Variants in KRTAP17-1 observed in about 807,000 individuals in gnomAD.
KRTAP17-1 encodes keratin-associated protein 17-1.
A neutral mutation model predicts 10.4 loss-of-function variants in KRTAP17-1; 2 were observed. The observed-to-expected ratio is 0.19, with a 90% CI of 0.08 to 0.61. KRTAP17-1 has a LOEUF of 0.61. KRTAP17-1 is among the 20% of genes least tolerant of loss of function. The pLI, the probability that KRTAP17-1 is intolerant of heterozygous loss-of-function variation, is 0.89. For synonymous variants in KRTAP17-1, 62 were observed against 52.7 expected, an observed-to-expected ratio of 1.18 and a Z score of -0.77; for missense variants, 143 against 136.8, an observed-to-expected ratio of 1.05 and a Z score of -0.23.
In KRTAP17-1 at chr17:41,315,298, C is replaced by CA; in HGVS notation, c.*34_*35insT. The CA allele has an allele frequency of 6.4e-7, 1 of 1,565,696 alleles. No homozygotes were observed. The highest frequency in any genetic ancestry group is 8.6e-7 in the Non-Finnish European group (1 of 1,158,484). ...TCCCCCTGGAGCAGATGGAGGCTTT[C>CA]GGTGGGACTGCATCAGTGGTGGAGG... On this transcript the variant is annotated 3_prime_UTR_variant, in exon 1 of 1. Coordinates refer to ENST00000334202, the MANE Select transcript of KRTAP17-1 (RefSeq NM_031964.2).
At position 41,315,556 on chromosome 17, in the gene KRTAP17-1, C is replaced by A; in HGVS notation, c.95G>T (p.Cys32Phe). The change falls in exon 1 of 1, where the codon TGC becomes TTC. Residue 32 changes from cysteine to phenylalanine, a missense_variant. Physicochemically the swap from Cys to Phe is radical, Grantham distance 205. Coordinates refer to ENST00000334202, the MANE Select transcript of KRTAP17-1 (RefSeq NM_031964.2). ...GCCCCCACAGCCACAGCAGGAGCCG[C>A]AGCAGCCACAGCAGCCCGGCTGACA... ...CCCQPGCCGCCGSCCGCGGSG... is the reference protein window; with the variant it reads ...CCCQPGCCGCFGSCCGCGGSG... 6.2e-7 allele frequency: 1 copy of A among 1,612,314 alleles called. No homozygotes were observed. Among genetic ancestry groups the A allele is most frequent in the Non-Finnish European group, 8.5e-7 (1 of 1,179,414 alleles).
chr17:41,315,435 CCCGCAGCCT>C lies in KRTAP17-1; in HGVS notation c.207_215del (p.Cys71_Gly73del), dbSNP rs770168369. 7.5e-6 allele frequency: 12 copies of C among 1,607,688 alleles called. No homozygotes were observed. In the African/African-American group the frequency reaches 1.3e-4, roughly 18 times the overall value. The stretch of plus-strand genomic sequence containing the variant: ...AGCAACTGGATCCACAGCAGCCACC[CCCGCAGCCT>C]CCGCAGCCTCCACAGCCTCCGCAGC... On this transcript the variant is annotated inframe_deletion, in exon 1 of 1. Coordinates refer to ENST00000334202, the MANE Select transcript of KRTAP17-1 (RefSeq NM_031964.2).
chr17:41,315,274 C>G lies in KRTAP17-1; in HGVS notation c.*59G>C. On this transcript the variant is annotated 3_prime_UTR_variant, in exon 1 of 1. Transcript: ENST00000334202. ...GAAGGTTCTGGACACGAGGGGCTGT[C>G]CCCCTGGAGCAGATGGAGGCTTTCG... 1 of 1,502,550 alleles carries G rather than the reference C, an allele frequency of 6.7e-7. No homozygotes were observed. 93.1% of individuals were successfully genotyped at this position (1,502,550 alleles called of 1,614,324 possible).
rs1484058370 is a variant in KRTAP17-1, at chr17:41,315,550, G to C, written c.101C>G (p.Ser34Cys). 1.2e-6 allele frequency: 2 copies of C among 1,611,690 alleles called. No homozygotes were observed. The highest frequency in any genetic ancestry group is 1.7e-5 in the Admixed American group (1 of 59,810). The change falls in exon 1 of 1, where the codon TCC (serine) becomes TGC (cysteine). Residue 34 changes from serine to cysteine, a missense_variant. Physicochemically the swap from Ser to Cys is moderately radical, Grantham distance 112 (BLOSUM62 -1). Coordinates refer to ENST00000334202, the MANE Select transcript of KRTAP17-1 (RefSeq NM_031964.2). ...GCCAGAGCCCCCACAGCCACAGCAG[G>C]AGCCGCAGCAGCCACAGCAGCCCGG... ...CQPGCCGCCG[S>C]CCGCGGSGCG... is the part of the protein sequence containing the mutation.
In KRTAP17-1 at chr17:41,315,125, G is replaced by A. The variant is rs759613330; in HGVS notation, c.*208C>T. The A allele has an allele frequency of 6.8e-6, 4 of 584,284 alleles. No homozygotes were observed. The highest frequency in any genetic ancestry group is 4.6e-5 in the South Asian group (2 of 43,552). The allele number at this position is 584,284 out of a possible 1,614,324, so 36.2% of individuals were successfully genotyped here. A position where few individuals can be genotyped will look rare whatever the true frequency, so the allele number is the denominator to read the frequency against. ...AGCTTGGGATCACTTAGTTGTGACC[G>A]AGTTTTAATGTTTCATCAGAGTATG... On this transcript the variant is annotated 3_prime_UTR_variant, in exon 1 of 1. Transcript: ENST00000334202.
At position 41,315,692 on chromosome 17, in the gene KRTAP17-1, G is replaced by A. The variant is rs759154843; in HGVS notation, c.-42C>T. On this transcript the variant is annotated 5_prime_UTR_variant, in exon 1 of 1. Transcript: ENST00000334202. Reference sequence around the variant, plus strand: ...CTCGCAGGTCGGTAACGCAGCCGGAGTTCCCCACGACTGACGGTGGCCAGC... The same window carrying A: ...CTCGCAGGTCGGTAACGCAGCCGGAATTCCCCACGACTGACGGTGGCCAGC... 2.3e-5 allele frequency: 36 copies of A among 1,543,458 alleles called. 3 individuals carry two copies. The South Asian group carries it at 4.2e-4, about 18-fold the overall frequency.
At position 41,315,136 on chromosome 17, in the gene KRTAP17-1, T is replaced by G; in HGVS notation, c.*197A>C. The G allele has an allele frequency of 1.7e-6, 1 of 598,960 alleles. No homozygotes were observed. Among genetic ancestry groups the G allele is most frequent in the Non-Finnish European group, 2.9e-6 (1 of 342,344 alleles). 37.1% of individuals were successfully genotyped at this position (598,960 alleles called of 1,614,324 possible). On this transcript the variant is annotated 3_prime_UTR_variant, in exon 1 of 1. Coordinates refer to ENST00000334202, the MANE Select transcript of KRTAP17-1 (RefSeq NM_031964.2). ...ACTTAGTTGTGACCGAGTTTTAATGTTTCATCAGAGTATGGCTCTTGTTCT... is the reference window on the plus strand; with the variant it reads ...ACTTAGTTGTGACCGAGTTTTAATGGTTCATCAGAGTATGGCTCTTGTTCT...
At position 41,315,108 on chromosome 17, in the gene KRTAP17-1, A is replaced by C. The variant is rs79468542; in HGVS notation, c.*225T>G. On this transcript the variant is annotated 3_prime_UTR_variant, in exon 1 of 1. Coordinates refer to ENST00000334202, the MANE Select transcript of KRTAP17-1 (RefSeq NM_031964.2). ...TTGGGGATTCACCCTTGAGCTTGGGATCACTTAGTTGTGACCGAGTTTTAA... is the reference window on the plus strand; with the variant it reads ...TTGGGGATTCACCCTTGAGCTTGGGCTCACTTAGTTGTGACCGAGTTTTAA... 20,841 of 559,234 alleles carry C rather than the reference A, an allele frequency of 0.037. 466 individuals are homozygous for C. Among genetic ancestry groups the C allele is most frequent in the Middle Eastern group, 0.049 (105 of 2,142 alleles). 34.6% of individuals were successfully genotyped at this position (559,234 alleles called of 1,614,324 possible).
chr17:41,315,620 A>C lies in KRTAP17-1; in HGVS notation c.31T>G (p.Cys11Gly). 2 of 1,611,966 alleles carry C rather than the reference A, an allele frequency of 1.2e-6. No individual in the cohort carries two copies. Among genetic ancestry groups the C allele is most frequent in the South Asian group, 1.1e-5 (1 of 90,936 alleles). ...CAGCAGTTTTGCTCCTGGGTGCAGC[A>C]GGTGAAGCAGTCCCCCGGGCAGCAC... MGCCPGDCFT[C>G]CTQEQNCCEE... The change falls in exon 1 of 1, where the codon TGC (cysteine) becomes GGC (glycine). Residue 11 changes from cysteine to glycine, a missense_variant. Coordinates refer to ENST00000334202, the MANE Select transcript of KRTAP17-1 (RefSeq NM_031964.2).
rs1349545473 is a variant in KRTAP17-1 at position 41,315,269 on chromosome 17, G to T, written c.*64C>A. ...GTATGGAAGGTTCTGGACACGAGGG[G>T]CTGTCCCCCTGGAGCAGATGGAGGC... On this transcript the variant is annotated 3_prime_UTR_variant, in exon 1 of 1. Coordinates refer to ENST00000334202, the MANE Select transcript of KRTAP17-1 (RefSeq NM_031964.2). 15 of 1,488,894 alleles carry T rather than the reference G, an allele frequency of 1.0e-5. No individual in the cohort carries two copies. Among genetic ancestry groups the T allele is most frequent in the Admixed American group, 1.8e-5 (1 of 55,920 alleles). The allele number at this position is 1,488,894 out of a possible 1,614,324, so 92.2% of individuals were successfully genotyped here.
rs1296948111 is a variant in KRTAP17-1 at position 41,315,575 on chromosome 17, G to T, written c.76C>A (p.Pro26Thr). 6.2e-7 allele frequency: 1 copy of T among 1,613,484 alleles called. No individual in the cohort carries two copies. The highest frequency in any genetic ancestry group is 2.2e-5 in the East Asian group (1 of 44,890). ...QNCCEECCCQ[P>T]GCCGCCGSCC... ...GAGCCGCAGCAGCCACAGCAGCCCG[G>T]CTGACAGCAGCACTCTTCACAGCAG... Residue 26 changes from proline to threonine, a missense_variant, in exon 1 of 1, where the codon CCG becomes ACG. Pro to Thr is a conservative substitution (Grantham distance 38). Transcript: ENST00000334202.
chr17:41,315,438 G>C lies in KRTAP17-1; in HGVS notation c.213C>G (p.Cys71Trp). ...AACTGGATCCACAGCAGCCACCCCCGCAGCCTCCGCAGCCTCCACAGCCTC... is the reference window on the plus strand; with the variant it reads ...AACTGGATCCACAGCAGCCACCCCCCCAGCCTCCGCAGCCTCCACAGCCTC... Reference protein sequence around the residue: ...GCGGCGGCGGCGGGCCGSSCC... With the variant: ...GCGGCGGCGGWGGGCCGSSCC... Residue 71 changes from cysteine (C) to tryptophan (W), a missense_variant, in exon 1 of 1, where the codon TGC becomes TGG. Physicochemically the swap from Cys to Trp is radical, Grantham distance 215. Coordinates refer to ENST00000334202, the MANE Select transcript of KRTAP17-1 (RefSeq NM_031964.2). The C allele has an allele frequency of 6.2e-7, 1 of 1,603,210 alleles. No individual in the cohort carries two copies. Among genetic ancestry groups the C allele is most frequent in the Non-Finnish European group, 8.5e-7 (1 of 1,175,590 alleles).
Position 41,315,547 on chromosome 17 carries a change from C to A in KRTAP17-1, c.104G>T (p.Cys35Phe). The A allele has an allele frequency of 6.2e-7, 1 of 1,610,884 alleles. No individual in the cohort carries two copies. The highest frequency in any genetic ancestry group is 8.5e-7 in the Non-Finnish European group (1 of 1,178,624). ...QPGCCGCCGS[C>F]CGCGGSGCGG... ...GCAGCCAGAGCCCCCACAGCCACAG[C>A]AGGAGCCGCAGCAGCCACAGCAGCC... The change falls in exon 1 of 1, where the codon TGC becomes TTC. Residue 35 changes from cysteine to phenylalanine, a missense_variant. By Grantham distance (205) the Cys-to-Phe change is radical. Coordinates refer to ENST00000334202, the MANE Select transcript of KRTAP17-1 (RefSeq NM_031964.2).
chr17:41,315,191 G>T lies in KRTAP17-1; in HGVS notation c.*142C>A. ...GCCTTGAAATACCAGAGAAGGTGTT[G>T]GAGAACAAGCCCTCCTCTACAAATC... On this transcript the variant is annotated 3_prime_UTR_variant, in exon 1 of 1. Transcript: ENST00000334202. The T allele has an allele frequency of 1.3e-6, 1 of 781,026 alleles. No individual in the cohort carries two copies. Among genetic ancestry groups the T allele is most frequent in the Non-Finnish European group, 2.0e-6 (1 of 494,988 alleles). 48.4% of individuals were successfully genotyped at this position (781,026 alleles called of 1,614,324 possible). A position where few individuals can be genotyped will look rare whatever the true frequency, so the allele number is the denominator to read the frequency against.
rs1041026303 is a variant in KRTAP17-1 at position 41,315,000 on chromosome 17, C to T, written c.*333G>A. On this transcript the variant is annotated 3_prime_UTR_variant, in exon 1 of 1. Coordinates refer to ENST00000334202, the MANE Select transcript of KRTAP17-1 (RefSeq NM_031964.2). ...ATCTCAAAGCTGCAGAAAGCCAGGG[C>T]GGAGGATCAGTCCCAAAGACACCTT... The T allele has an allele frequency of 1.2e-5, 3 of 246,148 alleles. No homozygotes were observed. The highest frequency in any genetic ancestry group is 2.3e-5 in the Non-Finnish European group (3 of 128,686). The allele number at this position is 246,148 out of a possible 1,614,324, so 15.2% of individuals were successfully genotyped here. A position where few individuals can be genotyped will look rare whatever the true frequency, so the allele number is the denominator to read the frequency against.
chr17:41,315,379 C>T lies in KRTAP17-1; in HGVS notation c.272G>A (p.Cys91Tyr). The change falls in exon 1 of 1, where the codon TGT becomes TAT. Residue 91 changes from cysteine to tyrosine, a missense_variant. Transcript: ENST00000334202. Reference protein sequence around the residue: ...CGSSCCGSGCCGPVCCQPTPI... With the variant: ...CGSSCCGSGCYGPVCCQPTPI... ...TGTGGGCTGGCAGCACACAGGCCCA[C>T]AGCACCCGGAGCCGCAGCAACTGGA... The T allele has an allele frequency of 6.2e-7, 1 of 1,612,002 alleles. No homozygotes were observed. Among genetic ancestry groups the T allele is most frequent in the South Asian group, 1.1e-5 (1 of 91,044 alleles).
Position 41,315,269 on chromosome 17 carries a change from G to A in KRTAP17-1, c.*64C>T. 2 of 1,489,014 alleles carry A rather than the reference G, an allele frequency of 1.3e-6. No individual in the cohort carries two copies. Among genetic ancestry groups the A allele is most frequent in the Non-Finnish European group, 1.8e-6 (2 of 1,098,534 alleles). The allele number at this position is 1,489,014 out of a possible 1,614,324, so 92.2% of individuals were successfully genotyped here. ...GTATGGAAGGTTCTGGACACGAGGG[G>A]CTGTCCCCCTGGAGCAGATGGAGGC... On this transcript the variant is annotated 3_prime_UTR_variant, in exon 1 of 1. Coordinates refer to ENST00000334202, the MANE Select transcript of KRTAP17-1 (RefSeq NM_031964.2).
At position 41,315,618 on chromosome 17, in the gene KRTAP17-1, G is replaced by A; in HGVS notation, c.33C>T (p.Cys11=). MGCCPGDCFT[C]CTQEQNCCEE... ...CACAGCAGTTTTGCTCCTGGGTGCA[G>A]CAGGTGAAGCAGTCCCCCGGGCAGC... is the stretch of plus-strand genomic sequence containing the variant. The change falls in exon 1 of 1, where the codon TGC becomes TGT. Residue 11 remains cysteine (C), a synonymous_variant. Transcript: ENST00000334202. 6.2e-7 allele frequency: 1 copy of A among 1,611,996 alleles called. No homozygotes were observed. Among genetic ancestry groups the A allele is most frequent in the South Asian group, 1.1e-5 (1 of 90,942 alleles).
Position 41,315,612 on chromosome 17 carries a change from G to A in KRTAP17-1, c.39C>T (p.Thr13=), listed in dbSNP as rs185828918. The A allele has an allele frequency of 4.5e-5, 72 of 1,612,842 alleles. 1 individual carries two copies. In the East Asian group the frequency reaches 1.6e-3, roughly 35 times the overall value. Residue 13 remains threonine (T), a synonymous_variant, in exon 1 of 1, where the codon ACC becomes ACT. Coordinates refer to ENST00000334202, the MANE Select transcript of KRTAP17-1 (RefSeq NM_031964.2). ...CCPGDCFTCC[T]QEQNCCEECC... is the part of the protein sequence containing the mutation. ...ACTCTTCACAGCAGTTTTGCTCCTG[G>A]GTGCAGCAGGTGAAGCAGTCCCCCG...
Sources: gnomAD v4.1 joint callset for allele counts on GRCh38, gnomAD v4.1.1 for gene constraint, MANE v1.5 for transcripts, NCBI Gene and HGNC (gene_info 2026-07-23, HGNC 2026-07-21) for gene names.